KCNC2: variants seen among roughly 807,000 people sequenced by gnomAD.
The protein encoded by KCNC2 is potassium voltage-gated channel subfamily C member 2.
KCNC2 carries 21 observed loss-of-function variants against 44.5 expected under a neutral mutation model. The observed-to-expected ratio is 0.47, with a 90% CI of 0.33 to 0.68. KCNC2 has a LOEUF of 0.68. Among genes scored for constraint, KCNC2 ranks in the 30% least tolerant of loss-of-function variants. The pLI is 0.01. For synonymous variants in KCNC2, 391 were observed against 339.1 expected, an observed-to-expected ratio of 1.15 and a Z score of -1.68; for missense variants, 589 against 826.2, an observed-to-expected ratio of 0.71 and a Z score of 3.52.
chr12:75,198,726 T>C (rs180722149), intron 2 of KCNC2, among the ~76,000 whole-genome samples: 210 of 151,978 alleles, frequency 1.4e-3, no homozygotes, highest in Non-Finnish European at 1.7e-3. Context: ...CCTAAGTCAA[T>C]AAACTTAAAA....
intron 2 of KCNC2, among the ~76,000 whole-genome samples, chr12:75,142,872 A>G (rs917726133): frequency 6.6e-6 from 1 of 152,220 alleles, no homozygotes; most frequent in Admixed American, 6.5e-5. Context: ...CCGCCTGCTG[A>G]TATCCAAAGC....
intron 2 of KCNC2, among the ~76,000 whole-genome samples, chr12:75,155,634 T>C (rs769108378): frequency 1.3e-5 from 2 of 151,660 alleles, no homozygotes; most frequent in East Asian, 3.9e-4. Flanking sequence ...ATTTGCCCAC[T>C]GATAACAGAA....
chr12:75,091,074 A>G (rs1885431629), intron 2 of KCNC2, among the ~76,000 whole-genome samples: 1 of 151,650 alleles, frequency 6.6e-6, no homozygotes, highest in African/African-American at 2.4e-5. Context: ...TTCTGATTTT[A>G]GTGCATAGAT....
intron 2 of KCNC2, among the ~76,000 whole-genome samples, chr12:75,125,684 T>C (rs967010233): frequency 2.6e-5 from 4 of 152,214 alleles, no homozygotes; most frequent in African/African-American, 9.6e-5. Context: ...TTAGAATTTG[T>C]AGGGTCAGTC....
At position 75,163,967 on chromosome 12, in the gene KCNC2, C is replaced by T. The variant is rs926134176; in HGVS notation, c.687+43330G>A. ...TTCTCAAACTACCTTGGGGAAAATC[C>T]TACACACTCCTTTTTTGGAACTTGC... is the stretch of plus-strand genomic sequence containing the variant. On this transcript the variant is annotated intron_variant, in intron 2 of 4. Coordinates refer to ENST00000549446, the MANE Select transcript of KCNC2 (RefSeq NM_139137.4). Among the ~76,000 whole-genome samples the T allele has an allele frequency of 2.6e-5, 4 of 151,706 alleles. No individual in the cohort carries two copies. In the South Asian group the frequency reaches 8.3e-4, roughly 31 times the overall value.
chr12:75,196,184 C>G (rs926211911), intron 2 of KCNC2, among the ~76,000 whole-genome samples: 3 of 152,110 alleles, frequency 2.0e-5, no homozygotes, highest in Non-Finnish European at 4.4e-5. Flanking sequence ...TTACAATAGA[C>G]TACAAGTGTG....
At chr12:75,140,649 T>C (rs1455659450) in intron 2 of KCNC2, among the ~76,000 whole-genome samples, 2 of 150,744 alleles carry the variant, frequency 1.3e-5, no homozygotes, top group Non-Finnish European at 3.0e-5. Context: ...CATGAATAAA[T>C]GGAAAAACCA....
At chr12:75,116,594 A>T (rs1171880812) in intron 2 of KCNC2, among the ~76,000 whole-genome samples, 4 of 152,232 alleles carry the variant, frequency 2.6e-5, no homozygotes, top group Non-Finnish European at 4.4e-5. Context: ...ATAGCTAAAT[A>T]GGAGCAGTGG....
intron 2 of KCNC2, among the ~76,000 whole-genome samples, chr12:75,106,585 G>A (rs574397039): frequency 6.6e-6 from 1 of 152,142 alleles, no homozygotes; most frequent in South Asian, 2.1e-4. Context: ...AAGGATGAAG[G>A]TATAGGTAAT....
chr12:75,138,864 C>G (rs912571019), intron 2 of KCNC2, among the ~76,000 whole-genome samples: 1 of 151,470 alleles, frequency 6.6e-6, no homozygotes, highest in African/African-American at 2.4e-5. Flanking sequence ...GCCTGTAGTC[C>G]CAGCTACTCG....
At chr12:75,097,390 T>C (rs1886024757) in intron 2 of KCNC2, among the ~76,000 whole-genome samples, 1 of 152,088 alleles carries the variant, frequency 6.6e-6, no homozygotes, top group Admixed American at 6.6e-5. Flanking sequence ...AACCCCAATA[T>C]AAACTATGGA....
At chr12:75,054,771 G>A (rs1173771837) in intron 2 of KCNC2, among the ~76,000 whole-genome samples, 2 of 152,080 alleles carry the variant, frequency 1.3e-5, no homozygotes, top group Admixed American at 6.6e-5. Context: ...ATACTGAGAA[G>A]GTACAGAGTT....
At position 75,041,034 on chromosome 12, in the gene KCNC2, T is replaced by C; in HGVS notation, c.*2071A>G. 7.6e-7 allele frequency: 1 copy of C among 1,320,878 alleles called. No individual in the cohort carries two copies. The highest frequency in any genetic ancestry group is 1.1e-6 in the Non-Finnish European group (1 of 931,104). 81.8% of individuals were successfully genotyped at this position (1,320,878 alleles called of 1,614,324 possible). ...ACCAGATGAGTTCCAGCCGCAGTTC[T>C]TTTATAAGCTTTAAGTGCCTCATGA... On this transcript the variant is annotated 3_prime_UTR_variant, in exon 5 of 5. Transcript: ENST00000549446.
chr12:75,046,747 G>A (rs1014875229), intron 4 of KCNC2, among the ~76,000 whole-genome samples: 1 of 151,906 alleles, frequency 6.6e-6, no homozygotes, highest in African/African-American at 2.4e-5. Flanking sequence ...TCTATTGAGA[G>A]GATTGAAATA....
intron 2 of KCNC2, among the ~76,000 whole-genome samples, chr12:75,123,347 A>T (rs531161742): frequency 1.3e-5 from 2 of 152,222 alleles, no homozygotes; most frequent in Non-Finnish European, 2.9e-5. Context: ...TAGCATAAAA[A>T]TAGATACAAT....
chr12:75,136,377 T>C (rs559883428), intron 2 of KCNC2, among the ~76,000 whole-genome samples: 152 of 151,560 alleles, frequency 1.0e-3, no homozygotes, highest in Admixed American at 1.8e-3. Flanking sequence ...AGAAAAAGGA[T>C]CAACAAAATA....
At chr12:75,069,129 C>CTTTTTTTGTTTTTT (rs1883129801) in intron 2 of KCNC2, among the ~76,000 whole-genome samples, 1 of 63,648 alleles carries the variant, frequency 1.6e-5, no homozygotes, top group Non-Finnish European at 2.8e-5. Flanking sequence ...TTTATATAAT[C>CTTTTTTTGTTTTTT]TTTTTTTTTT....
chr12:75,042,974 G>T lies in KCNC2; in HGVS notation c.*131C>A. ...CAAGTGGCATTTCTGACTTCAAATTGTAGTATCATGCAAGATTTATACTGT... is the reference window on the plus strand; with the variant it reads ...CAAGTGGCATTTCTGACTTCAAATTTTAGTATCATGCAAGATTTATACTGT... On this transcript the variant is annotated 3_prime_UTR_variant, in exon 5 of 5. Coordinates refer to ENST00000549446, the MANE Select transcript of KCNC2 (RefSeq NM_139137.4). 2 of 1,420,678 alleles carry T rather than the reference G, an allele frequency of 1.4e-6. No homozygotes were observed. Among genetic ancestry groups the T allele is most frequent in the Non-Finnish European group, 1.8e-6 (2 of 1,086,524 alleles). 88.0% of individuals were successfully genotyped at this position (1,420,678 alleles called of 1,614,324 possible). A position where few individuals can be genotyped will look rare whatever the true frequency, so the allele number is the denominator to read the frequency against.
At chr12:75,051,678 T>G (rs1325534506) in intron 2 of KCNC2, among the ~76,000 whole-genome samples, 1 of 152,146 alleles carries the variant, frequency 6.6e-6, no homozygotes, top group Non-Finnish European at 1.5e-5. Context: ...AGATGACAGT[T>G]TATGATCCTA....
Sources: allele counts gnomAD v4.1 joint callset (sites outside exome capture counted in the v4.1 genomes callset), GRCh38; gene constraint gnomAD v4.1.1; transcripts MANE v1.5; gene names NCBI Gene and HGNC (gene_info 2026-07-23, HGNC 2026-07-21).